JAKMIP3: variants seen among roughly 807,000 people sequenced by gnomAD.
JAKMIP3 encodes the protein janus kinase and microtubule-interacting protein 3.
A neutral mutation model predicts 118.5 loss-of-function variants in JAKMIP3; 58 were observed. The ratio of observed to expected loss-of-function variants is 0.49; its 90% CI spans 0.40 to 0.61. The LOEUF is 0.61. Ranked by LOEUF, JAKMIP3 falls within the 20% of genes least tolerant of loss-of-function variation. The probability of loss-of-function intolerance (pLI) is 0.00; values close to 1 mark genes in which losing one functional copy is unlikely to be tolerated. For synonymous variants in JAKMIP3, 486 were observed against 451.2 expected (o/e 1.08, Z -0.98); for missense variants, 950 against 1,109.0 (o/e 0.86, Z 2.04).
intron 1 of JAKMIP3, among the ~76,000 whole-genome samples, chr10:132,073,149 C>T (rs1037092887): frequency 2.0e-5 from 3 of 152,044 alleles, no homozygotes; most frequent in African/African-American, 7.2e-5. Flanking sequence ...AATTTTTATC[C>T]AATCCTCCAC....
chr10:132,163,546 C>T lies in JAKMIP3; in HGVS notation c.2424+134C>T, dbSNP rs1590005164. The stretch of plus-strand genomic sequence containing the variant: ...CCCACCCTCCAGTGGCCACACCCCT[C>T]ATAACACACACTCTGATGGCTACAC... On this transcript the variant is annotated intron_variant, in intron 20 of 23. Transcript: ENST00000684848. The T allele has an allele frequency of 5.5e-6, 4 of 732,678 alleles. No homozygotes were observed. The East Asian group carries it at 1.1e-4, about 20-fold the overall frequency. The allele number at this position is 732,678 out of a possible 1,614,324, so 45.4% of individuals were successfully genotyped here.
intron 9 of JAKMIP3, among the ~76,000 whole-genome samples, 191 bp downstream of exon 9, chr10:132,138,369 C>T (rs1012236082): frequency 4.4e-5 from 6 of 137,188 alleles, no homozygotes; most frequent in South Asian, 2.3e-4. Flanking sequence ...TGGAGAGGAC[C>T]GCGCCCGCGT....
At position 132,104,733 on chromosome 10, in the gene JAKMIP3, A is replaced by G. The variant is rs2045639750; in HGVS notation, c.-76A>G. 6 of 1,456,154 alleles carry G rather than the reference A, an allele frequency of 4.1e-6. No individual in the cohort carries two copies. Among genetic ancestry groups the G allele is most frequent in the Non-Finnish European group, 5.6e-6 (6 of 1,071,202 alleles). The allele number at this position is 1,456,154 out of a possible 1,614,324, so 90.2% of individuals were successfully genotyped here. ...GACACCTGCTGGGAGCTTGGCGTGG[A>G]CACCCCAGCCACCCCCAGCCCAGCC... On this transcript the variant is annotated 5_prime_UTR_variant, in exon 2 of 24. Coordinates refer to ENST00000684848, the MANE Select transcript of JAKMIP3 (RefSeq NM_001323087.2).
At chr10:132,090,171 T>C (rs574158819) in intron 1 of JAKMIP3, among the ~76,000 whole-genome samples, 14 of 152,314 alleles carry the variant, frequency 9.2e-5, no homozygotes, top group African/African-American at 3.4e-4. Flanking sequence ...TAAAATTCTC[T>C]TTTTTGGTTG....
chr10:132,073,570 C>A (rs9419341), intron 1 of JAKMIP3, among the ~76,000 whole-genome samples: 3 of 150,528 alleles, frequency 2.0e-5, no homozygotes, highest in Admixed American at 6.6e-5. Flanking sequence ...GATCTCAGCT[C>A]ACTTCAGCCT....
intron 1 of JAKMIP3, among the ~76,000 whole-genome samples, chr10:132,079,140 G>GGCCTGGGAGCGGACT: frequency 8.2e-6 from 1 of 122,594 alleles, no homozygotes; most frequent in African/African-American, 3.4e-5. Context: ...GTGGGCACCT[G>GGCCTGGGAGCGGACT]GCCTGGGAGC....
At chr10:132,113,379 G>T (rs2047156816) in intron 2 of JAKMIP3, among the ~76,000 whole-genome samples, 2 of 152,352 alleles carry the variant, frequency 1.3e-5, no homozygotes, top group South Asian at 2.1e-4. Flanking sequence ...ATGCTGCCAG[G>T]CTTCTGTGAC....
rs202022069 is a variant in JAKMIP3 at position 132,145,213 on chromosome 10, G to T, written c.1686+23G>T. 1.1e-5 allele frequency: 17 copies of T among 1,570,770 alleles called. No individual in the cohort carries two copies. In the African/African-American group the frequency reaches 2.2e-4, roughly 20 times the overall value. Reference sequence around the variant, plus strand: ...CAGGTGAGCCTGCAGCCATCTGCACGGGCGTGGGGGCACACGTGGGTGGGA... The same window carrying T: ...CAGGTGAGCCTGCAGCCATCTGCACTGGCGTGGGGGCACACGTGGGTGGGA... On this transcript the variant is annotated intron_variant, in intron 12 of 23. Transcript: ENST00000684848.
In JAKMIP3 at chr10:132,180,652, CGTGTGCGTGTGT is replaced by C. The variant is rs1565019886; in HGVS notation, c.*1104-1703_*1104-1692del. Among the ~76,000 whole-genome samples the C allele has an allele frequency of 3.6e-3, 31 of 8,676 alleles. 10 individuals are homozygous for C. In the East Asian group the frequency reaches 0.046, roughly 13 times the overall value. 5.7% of individuals were successfully genotyped at this position (8,676 alleles called of 152,430 possible). On this transcript the variant is annotated intron_variant, in intron 23 of 23. Transcript: ENST00000684848. ...GTGTGTGCGTGCGTGTGTGCGTGTGCGTGTGCGTGTGTGCGTGTGTGTGCGCGCGCGTGTGTG... is the reference window on the plus strand; with the variant it reads ...GTGTGTGCGTGCGTGTGTGCGTGTGCGCGTGTGTGTGCGCGCGCGTGTGTG...
chr10:132,170,423 G>C (rs529426780), intron 23 of JAKMIP3, among the ~76,000 whole-genome samples: 12 of 152,290 alleles, frequency 7.9e-5, no homozygotes, highest in African/African-American at 2.9e-4. Flanking sequence ...AGGCCTCACA[G>C]CAGGGGCAGG....
intron 1 of JAKMIP3, among the ~76,000 whole-genome samples, chr10:132,083,423 A>G (rs987479789): frequency 2.0e-5 from 3 of 151,934 alleles, no homozygotes; most frequent in Non-Finnish European, 4.4e-5. Context: ...GTAGATTCTT[A>G]ATATTAGTCC....
At chr10:132,047,189 A>C (rs368000702) in intron 1 of JAKMIP3, among the ~76,000 whole-genome samples, 1 of 152,142 alleles carries the variant, frequency 6.6e-6, no homozygotes, top group Non-Finnish European at 1.5e-5. Flanking sequence ...CAGGTTTTTT[A>C]AGGTAAAAAG....
upstream of JAKMIP3, among the ~76,000 whole-genome samples, chr10:132,060,145 A>G (rs1028050025): frequency 1.3e-5 from 2 of 152,312 alleles, no homozygotes; most frequent in South Asian, 4.1e-4. Flanking sequence ...CCTCAGCACC[A>G]AGAGAGGGCA....
chr10:132,178,071 C>T (rs2060356786), intron 23 of JAKMIP3, among the ~76,000 whole-genome samples: 1 of 152,264 alleles, frequency 6.6e-6, no homozygotes, highest in Non-Finnish European at 1.5e-5. Context: ...ACCCACTTCA[C>T]TGTCCCACCT....
intron 16 of JAKMIP3, among the ~76,000 whole-genome samples, chr10:132,151,276 C>T (rs2056148454): frequency 6.6e-6 from 1 of 152,154 alleles, no homozygotes; most frequent in Non-Finnish European, 1.5e-5. Flanking sequence ...CTTTATCCTT[C>T]CACCTATCCA....
At chr10:132,134,627 C>T (rs559620219) in intron 4 of JAKMIP3, among the ~76,000 whole-genome samples, 1 of 152,284 alleles carries the variant, frequency 6.6e-6, no homozygotes, top group Non-Finnish European at 1.5e-5. Flanking sequence ...GGGCGCGCAC[C>T]CTCCTGAAGG....
chr10:132,044,608 G>A lies in JAKMIP3; in HGVS notation c.-138+7870G>A, dbSNP rs895538994. Among the ~76,000 whole-genome samples the A allele has an allele frequency of 1.1e-4, 17 of 152,038 alleles. No individual in the cohort carries two copies. The highest frequency in any genetic ancestry group is 2.2e-4 in the African/African-American group (9 of 41,374). ...CTAGAGCAGGCTGGGGTCCTGGCGC[G>A]GGCTCTTCCTCAGGGCAGCAGGACG... On this transcript the variant is annotated intron_variant, in intron 1 of 23. Transcript: ENST00000657785. This position sits in a 1 kb window ranked among gnomAD's most constrained non-coding sequence, Gnocchi z 5.3.
intron 3 of JAKMIP3, among the ~76,000 whole-genome samples, chr10:132,119,622 T>C (rs1252919356): frequency 6.6e-6 from 1 of 152,208 alleles, no homozygotes; most frequent in Non-Finnish European, 1.5e-5. Context: ...AAGGCTTCAT[T>C]TCTGGAGTAG....
chr10:132,131,459 T>C (rs1259564618), intron 3 of JAKMIP3, among the ~76,000 whole-genome samples: 1 of 146,302 alleles, frequency 6.8e-6, no homozygotes, highest in East Asian at 2.0e-4. Context: ...ACCTAAGGGG[T>C]GAGGGTGTCG....
Sources: allele counts gnomAD v4.1 joint callset (sites outside exome capture counted in the v4.1 genomes callset), GRCh38; gene constraint gnomAD v4.1.1; non-coding constraint Gnocchi (gnomAD v3.1); transcripts MANE v1.5; gene names NCBI Gene and HGNC (gene_info 2026-07-23, HGNC 2026-07-21).